The following OSBPL8 variants were observed in gnomAD, a reference collection of about 807,000 sequenced individuals.
OSBPL8 encodes oxysterol-binding protein-related protein 8.
Under a neutral mutation model 125.5 loss-of-function variants are expected in OSBPL8, and 59 were observed. That is an observed-to-expected ratio of 0.47 (90% confidence interval 0.38 to 0.58). OSBPL8 has a LOEUF of 0.58. OSBPL8 is among the 20% of genes least tolerant of loss of function. OSBPL8 has a pLI of 0.00. For missense variants in OSBPL8, 758 were observed against 1,047.8 expected (o/e 0.72, Z 3.82); for synonymous variants, 330 against 338.9 (o/e 0.97, Z 0.29).
intron 1 of OSBPL8, among the ~76,000 whole-genome samples, chr12:76,530,191 GA>G (rs1375883361): frequency 6.9e-6 from 1 of 145,916 alleles, no homozygotes; most frequent in Non-Finnish European, 1.5e-5. Context: ...CAAGTAGTAA[GA>G]ACTATAGGCA....
intron 4 of OSBPL8, among the ~76,000 whole-genome samples, chr12:76,418,586 T>C (rs968528830): frequency 1.5e-4 from 23 of 152,058 alleles, no homozygotes; most frequent in African/African-American, 5.1e-4. Flanking sequence ...ATCTCAGCGC[T>C]TCGGGAGGCT....
Position 76,354,810 on chromosome 12 carries a change from C to T in OSBPL8, c.*1079G>A, listed in dbSNP as rs1363712887. 2 of 151,942 alleles carry T rather than the reference C, an allele frequency of 1.3e-5. No homozygotes were observed. The highest frequency in any genetic ancestry group is 6.6e-5 in the Admixed American group (1 of 15,260). The allele number at this position is 151,942 out of a possible 1,614,324, so 9.4% of individuals were successfully genotyped here. A position where few individuals can be genotyped will look rare whatever the true frequency, so the allele number is the denominator to read the frequency against. On this transcript the variant is annotated 3_prime_UTR_variant, in exon 24 of 24. Transcript: ENST00000261183. The stretch of plus-strand genomic sequence containing the variant: ...AAAAATTAAACTTCAGAACTTGATA[C>T]TCTTCGTAGATACTCAACTTATTAC...
chr12:76,462,616 A>G (rs1874876116), intron 2 of OSBPL8, among the ~76,000 whole-genome samples: 1 of 142,700 alleles, frequency 7.0e-6, no homozygotes, highest in South Asian at 2.1e-4. Flanking sequence ...ACATTAACAT[A>G]AAAAATGTTA....
intron 1 of OSBPL8, among the ~76,000 whole-genome samples, chr12:76,546,941 T>C (rs1002297643): frequency 6.6e-6 from 1 of 152,302 alleles, no homozygotes; most frequent in African/African-American, 2.4e-5. Flanking sequence ...TTCAAACAAG[T>C]ACAGTATTTA....
rs148576498 is a variant in OSBPL8, at chr12:76,485,783, T to C, written c.42+1727A>G. On this transcript the variant is annotated intron_variant, in intron 2 of 23. Coordinates refer to ENST00000261183, the MANE Select transcript of OSBPL8 (RefSeq NM_020841.5). Reference sequence around the variant, plus strand: ...ACCTCTCTGAGCCTATTTCCCTACCTCTAAAAGTGAGGATAAACAAATATC... The same window carrying C: ...ACCTCTCTGAGCCTATTTCCCTACCCCTAAAAGTGAGGATAAACAAATATC... 4.6e-5 allele frequency among the ~76,000 whole-genome samples: 7 copies of C among 152,242 alleles called. No homozygotes were observed. In the East Asian group the frequency reaches 7.7e-4, roughly 17 times the overall value.
chr12:76,355,909 T>C lies in OSBPL8; in HGVS notation c.2650A>G (p.Ile884Val). The change falls in exon 24 of 24, where the codon ATA becomes GTA. Residue 884 changes from isoleucine (I) to valine (V), a missense_variant. Ile to Val is a conservative substitution (Grantham distance 29, BLOSUM62 3). Coordinates refer to ENST00000261183, the MANE Select transcript of OSBPL8 (RefSeq NM_020841.5). ...AACTTCTACTTGAACATGAAGTTTA[T>C]TATGACTTGAAGCAAAATCAGGAGG... Reference protein sequence around the residue: ...IFLLILLQVIINFMFK With the variant: ...IFLLILLQVIVNFMFK The C allele has an allele frequency of 1.2e-6, 2 of 1,613,610 alleles. No homozygotes were observed. The highest frequency in any genetic ancestry group is 1.1e-5 in the South Asian group (1 of 91,050).
chr12:76,365,664 G>A (rs774026857), intron 21 of OSBPL8, among the ~76,000 whole-genome samples: 3 of 152,102 alleles, frequency 2.0e-5, no homozygotes, highest in African/African-American at 7.2e-5. Context: ...GGGAATGTTT[G>A]TCTTGTTCCT....
chr12:76,444,953 T>C (rs913438661), intron 4 of OSBPL8, among the ~76,000 whole-genome samples: 2 of 152,192 alleles, frequency 1.3e-5, no homozygotes, highest in African/African-American at 4.8e-5. Context: ...AAAGTGGTAC[T>C]TTCACTTAAA....
intron 3 of OSBPL8, among the ~76,000 whole-genome samples, chr12:76,455,679 C>T (rs1873948781): frequency 6.6e-6 from 1 of 152,188 alleles, no homozygotes; most frequent in Admixed American, 6.5e-5. Context: ...ACCCCATTCA[C>T]AAGCATTAAC....
At chr12:76,359,201 T>C (rs548750258) in intron 21 of OSBPL8, among the ~76,000 whole-genome samples, 8 of 152,312 alleles carry the variant, frequency 5.3e-5, no homozygotes, top group African/African-American at 1.9e-4. Flanking sequence ...AATAATAGAA[T>C]GTTAAATAAT....
intron 19 of OSBPL8, among the ~76,000 whole-genome samples, chr12:76,370,123 T>C (rs1952565035): frequency 6.6e-6 from 1 of 151,904 alleles, no homozygotes; most frequent in Admixed American, 6.5e-5. Context: ...TGATAGGATG[T>C]AATGAAGGTA....
chr12:76,454,810 A>G (rs955583084), intron 3 of OSBPL8, among the ~76,000 whole-genome samples: 1 of 152,014 alleles, frequency 6.6e-6, no homozygotes, highest in Non-Finnish European at 1.5e-5. Context: ...TTAAAATTGA[A>G]AACCAAGCAA....
intron 15 of OSBPL8, among the ~76,000 whole-genome samples, chr12:76,379,752 G>C (rs1345963725): frequency 6.6e-6 from 1 of 152,142 alleles, no homozygotes; most frequent in Non-Finnish European, 1.5e-5. Flanking sequence ...TTCCTTACTA[G>C]TTGATGGTCC....
chr12:76,374,753 T>C (rs1302059543), intron 17 of OSBPL8, among the ~76,000 whole-genome samples: 3 of 152,162 alleles, frequency 2.0e-5, no homozygotes, highest in Non-Finnish European at 2.9e-5. Flanking sequence ...CCAGACATTA[T>C]GAAGCAGAGA....
intron 21 of OSBPL8, among the ~76,000 whole-genome samples, chr12:76,364,640 A>T (rs1419661394): frequency 6.6e-6 from 1 of 152,200 alleles, no homozygotes; most frequent in South Asian, 2.1e-4. Flanking sequence ...CCCAGAACTT[A>T]AAGTATAATT....
chr12:76,397,574 G>A, intron 8 of OSBPL8, 120 bp downstream of exon 8: 1 of 1,021,872 alleles, frequency 9.8e-7, no homozygotes, highest in Non-Finnish European at 1.4e-6. Context: ...ATAATGCAAT[G>A]GAAAGCAGAA....
At chr12:76,543,625 T>C (rs548005101) in intron 1 of OSBPL8, among the ~76,000 whole-genome samples, 6 of 152,294 alleles carry the variant, frequency 3.9e-5, no homozygotes, top group Admixed American at 3.9e-4. Flanking sequence ...AATGCTAAGA[T>C]AATTTTTGCA....
intron 18 of OSBPL8, among the ~76,000 whole-genome samples, chr12:76,372,035 A>G (rs1489098405): frequency 1.3e-5 from 2 of 152,192 alleles, no homozygotes; most frequent in Non-Finnish European, 2.9e-5. Flanking sequence ...GTCTATCTCT[A>G]TCGAATAATC....
At chr12:76,546,866 C>A (rs1950796536) in intron 1 of OSBPL8, among the ~76,000 whole-genome samples, 1 of 152,082 alleles carries the variant, frequency 6.6e-6, no homozygotes. Flanking sequence ...ACTTTGACTT[C>A]CTGGACAATG....
Sources: allele counts gnomAD v4.1 joint callset (sites outside exome capture counted in the v4.1 genomes callset), GRCh38; gene constraint gnomAD v4.1.1; transcripts MANE v1.5; gene names NCBI Gene and HGNC (gene_info 2026-07-23, HGNC 2026-07-21).